The following XPO1 variants were observed in gnomAD, a reference collection of about 807,000 sequenced individuals.
XPO1 encodes exportin 1.
A neutral mutation model predicts 133.3 loss-of-function variants in XPO1; 5 were observed. The observed-to-expected ratio is 0.04, with a 90% CI of 0.02 to 0.08. XPO1 has a LOEUF of 0.08. XPO1 is among the 10% of genes least tolerant of loss of function. XPO1 has a pLI of 1.00. For missense variants in XPO1, 506 were observed against 1,267.5 expected (o/e 0.40, Z 9.12); for synonymous variants, 419 against 408.2 (o/e 1.03, Z -0.32).
chr2:61,505,252 T>C (rs1697740256), intron 4 of XPO1, among the ~76,000 whole-genome samples: 1 of 152,166 alleles, frequency 6.6e-6, no homozygotes, highest in African/African-American at 2.4e-5. Flanking sequence ...CTTGGCCACA[T>C]TTTATGTTGG....
At chr2:61,531,030 G>A (rs915877800) in intron 2 of XPO1, among the ~76,000 whole-genome samples, 1 of 152,110 alleles carries the variant, frequency 6.6e-6, no homozygotes, top group Non-Finnish European at 1.5e-5. Context: ...GCAATGACTA[G>A]AGAGAGCTTC....
chr2:61,491,068 G>A (rs150372205), intron 16 of XPO1, among the ~76,000 whole-genome samples: 2,355 of 152,086 alleles, frequency 0.015, 51 homozygotes, highest in African/African-American at 0.052. Context: ...TGAATTGCTT[G>A]AACCTGGGAG....
chr2:61,496,750 A>G, intron 10 of XPO1, 129 bp downstream of exon 10: 1 of 1,147,256 alleles, frequency 8.7e-7, no homozygotes, highest in Non-Finnish European at 1.1e-6. Flanking sequence ...GCTTACTACA[A>G]ATTTTATGTA....
chr2:61,506,616 T>C (rs1201052073), intron 4 of XPO1, among the ~76,000 whole-genome samples: 2 of 75,802 alleles, frequency 2.6e-5, no homozygotes, highest in Admixed American at 1.2e-4. Flanking sequence ...AAAAAAAAAA[T>C]CCAATGTTAA....
At chr2:61,511,907 C>A (rs1439034026) in intron 4 of XPO1, among the ~76,000 whole-genome samples, 1 of 152,032 alleles carries the variant, frequency 6.6e-6, no homozygotes, top group East Asian at 1.9e-4. Flanking sequence ...TCTGGGATTA[C>A]AGGCACACGC....
At chr2:61,478,987 A>G (rs1696192232) in intron 24 of XPO1, 21 bp from the exon 25 acceptor site, 1 of 1,605,864 alleles carries the variant, frequency 6.2e-7, no homozygotes, top group South Asian at 1.1e-5. Flanking sequence ...AGATAGTTGA[A>G]ATGTCAACGC....
intron 17 of XPO1, among the ~76,000 whole-genome samples, chr2:61,489,401 G>C (rs1256974543): frequency 8.1e-6 from 1 of 123,118 alleles, no homozygotes; most frequent in Non-Finnish European, 1.7e-5. Context: ...CACCAAGAGT[G>C]AAACTCCATC....
intron 19 of XPO1, 110 bp from the exon 20 acceptor site, chr2:61,486,072 C>G (rs1696676554): frequency 1.0e-6 from 1 of 973,436 alleles, no homozygotes; most frequent in Non-Finnish European, 1.4e-6. Flanking sequence ...CTACTGAAAA[C>G]AGGAAAATCT....
chr2:61,488,589 A>G lies in XPO1; in HGVS notation c.2205T>C (p.Asn735=). The part of the protein sequence containing the change: ...SENISAAIQA[N]GEMVTKQPLI... ...GTGTAAGAAATCAGAATCACCTACC[A>G]TTAGCTTGGATAGCTGCAGAAATAT... The change falls in exon 18 of 25, where the codon AAT becomes AAC. Residue 735 remains asparagine (N), a splice_region_variant and synonymous_variant. Coordinates refer to ENST00000401558, the MANE Select transcript of XPO1 (RefSeq NM_003400.4). The G allele has an allele frequency of 6.2e-7, 1 of 1,613,184 alleles. No homozygotes were observed. Among genetic ancestry groups the G allele is most frequent in the Admixed American group, 1.7e-5 (1 of 59,898 alleles).
chr2:61,520,885 G>A (rs1204708325), intron 4 of XPO1, among the ~76,000 whole-genome samples: 9 of 152,224 alleles, frequency 5.9e-5, no homozygotes, highest in South Asian at 4.2e-4. Flanking sequence ...GCAGACCATG[G>A]CCAAAATTAA....
intron 3 of XPO1, among the ~76,000 whole-genome samples, chr2:61,524,140 T>A (rs1001100584): frequency 6.6e-6 from 1 of 152,164 alleles, no homozygotes; most frequent in Non-Finnish European, 1.5e-5. Flanking sequence ...TTTAATTTTA[T>A]AGGCACAAAA....
At position 61,493,001 on chromosome 2, in the gene XPO1, A is replaced by G; in HGVS notation, c.1298T>C (p.Val433Ala). ...CACAACTTCTCCTTGATCATTCTCT[A>G]CAACCAATACTTCCTCTGGTTTAGC... ...RMAKPEEVLV[V>A]ENDQGEVVRE... Residue 433 changes from valine (V) to alanine (A), a missense_variant, in exon 13 of 25, where the codon GTA becomes GCA. Coordinates refer to ENST00000401558, the MANE Select transcript of XPO1 (RefSeq NM_003400.4). 3 of 1,611,952 alleles carry G rather than the reference A, an allele frequency of 1.9e-6. No homozygotes were observed. Among genetic ancestry groups the G allele is most frequent in the Non-Finnish European group, 2.5e-6 (3 of 1,179,670 alleles).
chr2:61,527,515 C>T (rs944137741), intron 2 of XPO1, among the ~76,000 whole-genome samples: 11 of 151,952 alleles, frequency 7.2e-5, no homozygotes, highest in African/African-American at 2.4e-4. Flanking sequence ...AGCACACCTA[C>T]TTAGGTAAGT....
At chr2:61,516,684 G>A (rs1434918769) in intron 4 of XPO1, among the ~76,000 whole-genome samples, 1 of 152,016 alleles carries the variant, frequency 6.6e-6, no homozygotes, top group Admixed American at 6.5e-5. Context: ...AAAGTGCTGG[G>A]ATTACAGGCA....
chr2:61,538,365 GC>G, upstream of XPO1: 1 of 156,352 alleles, frequency 6.4e-6, no homozygotes, highest in Non-Finnish European at 1.4e-5. Flanking sequence ...CTGGGCCTCC[GC>G]CCCCAGCCCG....
intron 4 of XPO1, among the ~76,000 whole-genome samples, chr2:61,513,700 T>C (rs1320046384): frequency 6.6e-6 from 1 of 151,790 alleles, no homozygotes; most frequent in Non-Finnish European, 1.5e-5. Context: ...ACATCAACTA[T>C]ATAAAGAAAA....
chr2:61,506,316 A>G (rs904783652), intron 4 of XPO1, among the ~76,000 whole-genome samples: 5 of 152,282 alleles, frequency 3.3e-5, no homozygotes, highest in African/African-American at 1.2e-4. Context: ...CCAGCTACTC[A>G]GGAGGCTGAG....
chr2:61,481,601 C>T (rs907875950), intron 23 of XPO1, among the ~76,000 whole-genome samples: 1 of 152,094 alleles, frequency 6.6e-6, no homozygotes, highest in Non-Finnish European at 1.5e-5. Flanking sequence ...CATGCACCAC[C>T]ATGCCCGGCT....
At chr2:61,488,019 G>T in intron 19 of XPO1, 146 bp downstream of exon 19, 4 of 662,144 alleles carry the variant, frequency 6.0e-6, no homozygotes, top group Non-Finnish European at 1.0e-5. Context: ...GTATATTAAC[G>T]TAAGGACTAC....
Sources: allele counts gnomAD v4.1 joint callset (sites outside exome capture counted in the v4.1 genomes callset), GRCh38; gene constraint gnomAD v4.1.1; transcripts MANE v1.5; gene names NCBI Gene and HGNC (gene_info 2026-07-23, HGNC 2026-07-21).